The following NETO2 variants were observed in gnomAD, a reference collection of about 807,000 sequenced individuals.
NETO2 encodes the protein neuropilin and tolloid like 2.
A neutral mutation model predicts 62.5 loss-of-function variants in NETO2; 28 were observed. That is an observed-to-expected ratio of 0.45 (90% CI 0.33 to 0.61). The LOEUF is 0.61. Ranked by LOEUF, NETO2 falls within the 20% of genes least tolerant of loss-of-function variation. The probability of loss-of-function intolerance (pLI) is 0.02; values close to 1 mark genes in which losing one functional copy is unlikely to be tolerated. For missense variants in NETO2, 548 were observed against 643.2 expected, an observed-to-expected ratio of 0.85 and a Z score of 1.60; for synonymous variants, 214 against 219.1, an observed-to-expected ratio of 0.98 and a Z score of 0.21.
In NETO2 at chr16:47,083,632, G is replaced by A; in HGVS notation, c.1167C>T (p.Phe389=). The change falls in exon 9 of 9, where the codon TTC becomes TTT. Residue 389 remains phenylalanine (F), a synonymous_variant. Coordinates refer to ENST00000562435, the MANE Select transcript of NETO2 (RefSeq NM_018092.5). ...ACKTAFNKTG[F]QEVFDPPHYE... is the part of the protein sequence containing the mutation. ...AATGAGGAGGATCAAACACTTCTTG[G>A]AACCCGGTTTTATTAAAAGCGGTTT... is the stretch of plus-strand genomic sequence containing the variant. 1.9e-6 allele frequency: 3 copies of A among 1,614,160 alleles called. No homozygotes were observed. Among genetic ancestry groups the A allele is most frequent in the Non-Finnish European group, 2.5e-6 (3 of 1,180,032 alleles).
intron 1 of NETO2, among the ~76,000 whole-genome samples, chr16:47,141,469 AAAAC>A (rs1964460144): frequency 6.6e-6 from 1 of 151,986 alleles, no homozygotes; most frequent in Non-Finnish European, 1.5e-5. Context: ...GTAAAAAAAA[AAAAC>A]AAAAACAAAA....
intron 1 of NETO2, among the ~76,000 whole-genome samples, chr16:47,138,122 C>T (rs1267237370): frequency 6.6e-6 from 1 of 152,140 alleles, no homozygotes; most frequent in Non-Finnish European, 1.5e-5. Context: ...TTGCCCAGGG[C>T]CAGGCGCGGT....
At chr16:47,103,141 G>A (rs940919333) in intron 7 of NETO2, among the ~76,000 whole-genome samples, 3 of 152,146 alleles carry the variant, frequency 2.0e-5, no homozygotes, top group African/African-American at 4.8e-5. Flanking sequence ...TCCTTTGCAC[G>A]GACATGGATG....
intron 6 of NETO2, among the ~76,000 whole-genome samples, chr16:47,115,643 T>C (rs1013489011): frequency 1.3e-5 from 2 of 148,462 alleles, no homozygotes; most frequent in Non-Finnish European, 3.0e-5. Context: ...TCCTCCTGCC[T>C]CAGCCTCCCG....
At chr16:47,099,026 A>G (rs562184949) in intron 7 of NETO2, among the ~76,000 whole-genome samples, 1 of 152,096 alleles carries the variant, frequency 6.6e-6, no homozygotes, top group African/African-American at 2.4e-5. Flanking sequence ...CACCTGGGTA[A>G]TTTTTGTATT....
intron 6 of NETO2, among the ~76,000 whole-genome samples, chr16:47,112,030 T>C (rs966095444): frequency 6.6e-6 from 1 of 152,186 alleles, no homozygotes; most frequent in Non-Finnish European, 1.5e-5. Context: ...AAAACACTAT[T>C]TGTATACTCT....
chr16:47,119,498 G>A (rs1183856358), intron 6 of NETO2, among the ~76,000 whole-genome samples: 1 of 150,908 alleles, frequency 6.6e-6, no homozygotes, highest in African/African-American at 2.4e-5. Context: ...AAGTCTGCCT[G>A]TTGTTACCTT....
intron 7 of NETO2, among the ~76,000 whole-genome samples, chr16:47,097,384 C>T (rs1963449017): frequency 6.6e-6 from 1 of 152,348 alleles, no homozygotes; most frequent in African/African-American, 2.4e-5. Context: ...GTTTTCCCCT[C>T]ACAGTGTAAA....
chr16:47,086,140 T>G, intron 8 of NETO2, 86 bp downstream of exon 8: 4 of 825,150 alleles, frequency 4.8e-6, no homozygotes, highest in Non-Finnish European at 8.4e-6. Flanking sequence ...TGCTAAGCAC[T>G]GTTGTAGAAA....
At chr16:47,086,181 T>TAG in intron 8 of NETO2, 45 bp downstream of exon 8, 1 of 1,033,880 alleles carries the variant, frequency 9.7e-7, no homozygotes, top group Non-Finnish European at 1.5e-6. Context: ...TGAAGGGCAA[T>TAG]AGCCACTCTT....
At chr16:47,135,303 C>T (rs1964344772) in intron 1 of NETO2, among the ~76,000 whole-genome samples, 1 of 152,170 alleles carries the variant, frequency 6.6e-6, no homozygotes, top group South Asian at 2.1e-4. Context: ...CTAGGTGCCA[C>T]TGTTTCCTCT....
At chr16:47,120,577 T>C (rs1180950917) in intron 6 of NETO2, among the ~76,000 whole-genome samples, 4 of 152,244 alleles carry the variant, frequency 2.6e-5, no homozygotes, top group African/African-American at 7.2e-5. Context: ...TGTTGTGCTA[T>C]CAAATACCAG....
At chr16:47,103,516 G>A (rs1054365951) in intron 7 of NETO2, among the ~76,000 whole-genome samples, 2 of 151,986 alleles carry the variant, frequency 1.3e-5, no homozygotes, top group Non-Finnish European at 2.9e-5. Flanking sequence ...CATTCTATGA[G>A]GCCAGAACTA....
chr16:47,115,574 C>T (rs538154429), intron 6 of NETO2, among the ~76,000 whole-genome samples: 2 of 150,324 alleles, frequency 1.3e-5, no homozygotes, highest in Admixed American at 6.6e-5. Context: ...GTTGTCCAGG[C>T]TGGAGTGCAG....
At chr16:47,083,861 C>T in intron 8 of NETO2, 60 bp from the exon 9 acceptor site, 1 of 1,281,916 alleles carries the variant, frequency 7.8e-7, no homozygotes, top group Admixed American at 2.3e-5. Context: ...AATCCTGGTA[C>T]AAATTAGTAA....
intron 6 of NETO2, among the ~76,000 whole-genome samples, chr16:47,114,035 G>A (rs1364525443): frequency 1.3e-5 from 2 of 152,032 alleles, no homozygotes; most frequent in Non-Finnish European, 2.9e-5. Flanking sequence ...AGAAGAGACG[G>A]CTGAGTCACA....
intron 2 of NETO2, among the ~76,000 whole-genome samples, chr16:47,131,522 G>C (rs751772531): frequency 3.9e-5 from 6 of 152,096 alleles, no homozygotes; most frequent in Non-Finnish European, 8.8e-5. Flanking sequence ...CACTGGAAAT[G>C]TACTAAATTC....
chr16:47,105,030 TCTTTTTTTTA>T lies in NETO2; in HGVS notation c.883+4443_883+4452del, dbSNP rs535548620. Reference sequence around the variant, plus strand: ...CCACTGTGCCTGGCCTTTTTTTTTTTCTTTTTTTTACTTTTTTAAAGAAAAATAGAGATGG... The same window carrying T: ...CCACTGTGCCTGGCCTTTTTTTTTTTCTTTTTTAAAGAAAAATAGAGATGG... On this transcript the variant is annotated intron_variant, in intron 7 of 8. Transcript: ENST00000562435. 7.2e-5 allele frequency among the ~76,000 whole-genome samples: 11 copies of T among 152,084 alleles called. No individual in the cohort carries two copies. The South Asian group carries it at 2.3e-3, about 32-fold the overall frequency.
intron 7 of NETO2, among the ~76,000 whole-genome samples, chr16:47,089,220 T>C (rs1484781959): frequency 1.3e-5 from 2 of 152,192 alleles, no homozygotes; most frequent in African/African-American, 4.8e-5. Context: ...TGAGAACCCC[T>C]TGGTGGCTGA....
Sources: allele counts gnomAD v4.1 joint callset (sites outside exome capture counted in the v4.1 genomes callset), GRCh38; gene constraint gnomAD v4.1.1; transcripts MANE v1.5; gene names NCBI Gene and HGNC (gene_info 2026-07-23, HGNC 2026-07-21).